ENPP6: variants seen among roughly 807,000 people sequenced by gnomAD.
ENPP6 encodes glycerophosphocholine cholinephosphodiesterase ENPP6.
Under a neutral mutation model 42.0 loss-of-function variants are expected in ENPP6, and 32 were observed. The ratio of observed to expected loss-of-function variants is 0.76; its 90% confidence interval spans 0.58 to 1.02. The LOEUF (loss-of-function observed/expected upper bound fraction) is 1.02, where lower values mean the gene tolerates loss of function less well. ENPP6 is among the 50% of genes least tolerant of loss of function. The pLI is 0.00. For synonymous variants in ENPP6, 213 were observed against 216.0 expected (o/e 0.99, Z 0.12); for missense variants, 552 against 566.8 (o/e 0.97, Z 0.27).
rs56026264 is a variant in ENPP6 at position 184,131,492 on chromosome 4, T to C, written c.422-7220A>G. 7.8e-3 allele frequency among the ~76,000 whole-genome samples: 1,161 copies of C among 148,936 alleles called. 13 individuals carry two copies. Among genetic ancestry groups the C allele is most frequent in the Non-Finnish European group, 0.012 (842 of 67,570 alleles). ...CTTAGCCTCCCCGAGTAGCTGGGAC[T>C]ACAGGCACCCATCACCATGCCCAGC... On this transcript the variant is annotated intron_variant, in intron 2 of 7. Coordinates refer to ENST00000296741, the MANE Select transcript of ENPP6 (RefSeq NM_153343.4).
rs374977492 is a variant in ENPP6, at chr4:184,139,927, C to T, written c.421+13627G>A. ...TTCTAGTTCTAGATCCCTGAGGAAT[C>T]GCCACACTGACTTCCACAATGGTTG... On this transcript the variant is annotated intron_variant, in intron 2 of 7. Coordinates refer to ENST00000296741, the MANE Select transcript of ENPP6 (RefSeq NM_153343.4). Among the ~76,000 whole-genome samples, 34 of 93,882 alleles carry T rather than the reference C, an allele frequency of 3.6e-4. 2 individuals carry two copies. In the East Asian group the frequency reaches 7.4e-3, roughly 21 times the overall value. The allele number at this position is 93,882 out of a possible 152,430, so 61.6% of individuals were successfully genotyped here. A position where few individuals can be genotyped will look rare whatever the true frequency, so the allele number is the denominator to read the frequency against.
At chr4:184,155,080 GAGA>G (rs1737136409) in intron 1 of ENPP6, among the ~76,000 whole-genome samples, 1 of 152,184 alleles carries the variant, frequency 6.6e-6, no homozygotes, top group African/African-American at 2.4e-5. Flanking sequence ...GGCTGGGTCT[GAGA>G]AGGAGGACAG....
chr4:184,158,756 C>A (rs575122056), intron 1 of ENPP6, among the ~76,000 whole-genome samples: 39 of 152,236 alleles, frequency 2.6e-4, no homozygotes, highest in African/African-American at 9.4e-4. Flanking sequence ...TAAAATAGCT[C>A]CAGGGGTTCT....
chr4:184,212,344 T>C (rs1381393485), intron 1 of ENPP6, among the ~76,000 whole-genome samples: 1 of 149,866 alleles, frequency 6.7e-6, no homozygotes, highest in Non-Finnish European at 1.5e-5. Context: ...AAAACCCCAT[T>C]GTCTCAGCCC....
rs1370720732 is a variant in ENPP6, at chr4:184,108,968, T to C, written c.993+3704A>G. The stretch of plus-strand genomic sequence containing the variant: ...GCTCACGCCTGTCATCCCAGCACTT[T>C]GGGAGGCCAAGGCGGGCAGATCACT... On this transcript the variant is annotated intron_variant, in intron 6 of 7. Coordinates refer to ENST00000296741, the MANE Select transcript of ENPP6 (RefSeq NM_153343.4). Among the ~76,000 whole-genome samples the C allele has an allele frequency of 4.6e-5, 7 of 152,376 alleles. No homozygotes were observed. In the East Asian group the frequency reaches 1.3e-3, roughly 29 times the overall value.
At chr4:184,122,910 G>C (rs1474847329) in intron 3 of ENPP6, among the ~76,000 whole-genome samples, 2 of 152,206 alleles carry the variant, frequency 1.3e-5, no homozygotes, top group Non-Finnish European at 2.9e-5. Flanking sequence ...TACACGTGCT[G>C]TGCTATTCTG....
chr4:184,106,711 G>A (rs531525061), intron 6 of ENPP6, among the ~76,000 whole-genome samples: 1 of 152,044 alleles, frequency 6.6e-6, no homozygotes, highest in African/African-American at 2.4e-5. Context: ...TTACCATGGC[G>A]ACTTATTTGT....
At chr4:184,129,811 T>A (rs1736564747) in intron 2 of ENPP6, among the ~76,000 whole-genome samples, 1 of 152,192 alleles carries the variant, frequency 6.6e-6, no homozygotes, top group South Asian at 2.1e-4. Flanking sequence ...TACAAAATAG[T>A]ATATAACAGA....
chr4:184,131,990 G>C (rs1423702999), intron 2 of ENPP6, among the ~76,000 whole-genome samples: 1 of 152,146 alleles, frequency 6.6e-6, no homozygotes, highest in Non-Finnish European at 1.5e-5. Flanking sequence ...TGAGAACCAG[G>C]AGAACTGAGA....
chr4:184,193,998 C>T (rs144812836), intron 1 of ENPP6, among the ~76,000 whole-genome samples: 35 of 152,230 alleles, frequency 2.3e-4, no homozygotes, highest in Middle Eastern at 3.4e-3. Flanking sequence ...CTATTTTTGG[C>T]CTCTGTTGCC....
intron 7 of ENPP6, among the ~76,000 whole-genome samples, chr4:184,091,724 G>A (rs1413066041): frequency 6.6e-6 from 1 of 152,070 alleles, no homozygotes; most frequent in Non-Finnish European, 1.5e-5. Flanking sequence ...CTGGATGACA[G>A]AGCAAGACAC....
intron 1 of ENPP6, among the ~76,000 whole-genome samples, chr4:184,207,264 G>C (rs1239117852): frequency 6.6e-6 from 1 of 152,190 alleles, no homozygotes; most frequent in East Asian, 1.9e-4. Context: ...ATGTTTCTGG[G>C]CCACTTTCCT....
Position 184,090,824 on chromosome 4 carries a change from A to G in ENPP6, c.*353T>C, listed in dbSNP as rs1295626522. 2.5e-6 allele frequency: 1 copy of G among 406,112 alleles called. No homozygotes were observed. The highest frequency in any genetic ancestry group is 4.1e-5 in the Admixed American group (1 of 24,314). 25.2% of individuals were successfully genotyped at this position (406,112 alleles called of 1,614,324 possible). A position where few individuals can be genotyped will look rare whatever the true frequency, so the allele number is the denominator to read the frequency against. ...GTCCTTTGTGCAAGGTGGGACAGAG[A>G]GGGGCCCAGAGCCACGTCTGTCTGC... On this transcript the variant is annotated 3_prime_UTR_variant, in exon 8 of 8. Transcript: ENST00000296741.
intron 3 of ENPP6, among the ~76,000 whole-genome samples, chr4:184,123,013 A>G (rs1736444494): frequency 6.6e-6 from 1 of 152,016 alleles, no homozygotes; most frequent in Admixed American, 6.5e-5. Context: ...CTCCATTTCT[A>G]TGTGTTTTAA....
At chr4:184,133,372 C>T (rs1736676384) in intron 2 of ENPP6, among the ~76,000 whole-genome samples, 2 of 152,156 alleles carry the variant, frequency 1.3e-5, no homozygotes, top group Non-Finnish European at 2.9e-5. Flanking sequence ...ATTCTTACAT[C>T]TTTCACGTAT....
At chr4:184,123,265 C>T (rs1316268836) in intron 3 of ENPP6, among the ~76,000 whole-genome samples, 1 of 151,968 alleles carries the variant, frequency 6.6e-6, no homozygotes, top group African/African-American at 2.4e-5. Flanking sequence ...TAGGGACAGG[C>T]CCTTTCATGT....
rs188637104 is a variant in ENPP6 at position 184,176,148 on chromosome 4, G to T, written c.242-22415C>A. 1.2e-3 allele frequency among the ~76,000 whole-genome samples: 185 copies of T among 152,176 alleles called. 1 individual carries two copies. The highest frequency in any genetic ancestry group is 4.2e-3 in the African/African-American group (173 of 41,514). ...TTGCCACTGAACGGAGAGTTGGAGT[G>T]GTTGAGTCAATATCCCAAGGTCTTG... On this transcript the variant is annotated intron_variant, in intron 1 of 7. Coordinates refer to ENST00000296741, the MANE Select transcript of ENPP6 (RefSeq NM_153343.4).
intron 1 of ENPP6, among the ~76,000 whole-genome samples, chr4:184,191,868 A>G (rs973308870): frequency 3.9e-5 from 6 of 152,218 alleles, no homozygotes; most frequent in African/African-American, 1.4e-4. Context: ...AAAATTCTGA[A>G]GATAATTCCA....
chr4:184,187,693 T>G (rs984994980), intron 1 of ENPP6, among the ~76,000 whole-genome samples: 1 of 152,106 alleles, frequency 6.6e-6, no homozygotes, highest in African/African-American at 2.4e-5. Flanking sequence ...CCATAGAATT[T>G]ATTACCACCT....
Sources: gnomAD v4.1 joint callset for allele counts (sites outside exome capture counted in the v4.1 genomes callset) on GRCh38, gnomAD v4.1.1 for gene constraint, MANE v1.5 for transcripts, NCBI Gene and HGNC (gene_info 2026-07-23, HGNC 2026-07-21) for gene names.